The following ZC4H2 variants were observed in gnomAD, a reference collection of about 807,000 sequenced individuals.
ZC4H2 encodes zinc finger C4H2-type containing, also known as zinc finger C4H2 domain-containing protein.
For synonymous variants in ZC4H2, 84 were observed against 66.3 expected, an observed-to-expected ratio of 1.27 and a Z score of -1.30; for missense variants, 137 against 173.9, an observed-to-expected ratio of 0.79 and a Z score of 1.19.
intron 1 of ZC4H2, among the ~76,000 whole-genome samples, chrX:64,994,505 A>G (rs1396236375): frequency 8.9e-6 from 1 of 112,378 alleles, no homozygotes; most frequent in Non-Finnish European, 1.9e-5. Context: ...GCTTTACATT[A>G]TTCGTTTCAG....
chrX:64,962,584 T>G (rs758339478), intron 1 of ZC4H2, among the ~76,000 whole-genome samples: 1 of 111,319 alleles, frequency 9.0e-6, no homozygotes, highest in African/African-American at 3.2e-5. Flanking sequence ...GTCACCAAAA[T>G]TGAGAAGGAA....
intron 1 of ZC4H2, among the ~76,000 whole-genome samples, chrX:65,022,031 A>G (rs1932840464): frequency 8.9e-6 from 1 of 111,903 alleles, no homozygotes; most frequent in Non-Finnish European, 1.9e-5. Flanking sequence ...GAGGCAGGAA[A>G]TAATAGCCTA....
chrX:65,011,632 T>C (rs1932755802), intron 1 of ZC4H2, among the ~76,000 whole-genome samples: 1 of 111,171 alleles, frequency 9.0e-6, no homozygotes, highest in African/African-American at 3.3e-5. Context: ...AGTGAACGAG[T>C]TCCCTGGTGA....
At chrX:64,952,317 G>A (rs1478348347) in intron 1 of ZC4H2, among the ~76,000 whole-genome samples, 1 of 108,808 alleles carries the variant, frequency 9.2e-6, no homozygotes, top group Non-Finnish European at 1.9e-5. Context: ...CTTTCAAGTA[G>A]TTTCTTCCAA....
chrX:64,928,957 C>T (rs1345709069), intron 1 of ZC4H2, among the ~76,000 whole-genome samples: 3 of 103,379 alleles, frequency 2.9e-5, no homozygotes, highest in African/African-American at 7.2e-5. Context: ...GACATGATCT[C>T]GGCTCACTGC....
chrX:64,942,016 G>A (rs1470979796), intron 1 of ZC4H2, among the ~76,000 whole-genome samples: 1 of 110,983 alleles, frequency 9.0e-6, no homozygotes, highest in Non-Finnish European at 1.9e-5. Context: ...GAATCCGCCT[G>A]GCCCTGGACT....
intron 1 of ZC4H2, among the ~76,000 whole-genome samples, chrX:64,989,534 C>G (rs1178173401): frequency 1.1e-4 from 12 of 111,719 alleles, no homozygotes; most frequent in Admixed American, 1.0e-3. Context: ...AAAGGAAAAG[C>G]TGATAAAATG....
intron 1 of ZC4H2, among the ~76,000 whole-genome samples, chrX:65,020,166 A>G (rs1932826330): frequency 1.8e-5 from 2 of 112,013 alleles, no homozygotes; most frequent in Non-Finnish European, 3.8e-5. Flanking sequence ...GCCAACATTC[A>G]AATTCGGAAA....
chrX:65,018,122 A>G (rs1054810240), intron 1 of ZC4H2, among the ~76,000 whole-genome samples: 1 of 112,637 alleles, frequency 8.9e-6, no homozygotes, highest in Non-Finnish European at 1.9e-5. Context: ...ACTTAAATCA[A>G]CAAGCAAAAA....
chrX:65,013,186 T>C (rs1210053851), intron 1 of ZC4H2, among the ~76,000 whole-genome samples: 1 of 111,968 alleles, frequency 8.9e-6, no homozygotes, highest in Non-Finnish European at 1.9e-5. Context: ...TGTGGTCTAA[T>C]CCAAGTCAGT....
chrX:64,939,863 T>C (rs1816360471), intron 1 of ZC4H2, among the ~76,000 whole-genome samples: 1 of 111,583 alleles, frequency 9.0e-6, no homozygotes, highest in African/African-American at 3.3e-5. Context: ...ATTCAGGACA[T>C]AGTAATGGGC....
chrX:64,941,621 G>C (rs1039263417), intron 1 of ZC4H2, among the ~76,000 whole-genome samples: 1 of 111,828 alleles, frequency 8.9e-6, no homozygotes, highest in Non-Finnish European at 1.9e-5. Context: ...GAATTTTATC[G>C]AATGTCTTTT....
chrX:64,926,973 GT>G (rs1398778666), intron 1 of ZC4H2, among the ~76,000 whole-genome samples: 3 of 111,324 alleles, frequency 2.7e-5, no homozygotes, highest in African/African-American at 9.8e-5. Flanking sequence ...TCACTGTTGA[GT>G]TTTAATATTT....
chrX:65,008,741 T>C (rs1932710064), intron 1 of ZC4H2, among the ~76,000 whole-genome samples: 1 of 111,927 alleles, frequency 8.9e-6, no homozygotes, highest in African/African-American at 3.3e-5. Context: ...ATTTTCTCAC[T>C]AATATGTGGG....
Position 64,976,446 on chromosome X carries a change from A to T in ZC4H2, c.-69T>A. 9.1e-7 allele frequency: 1 copy of T among 1,102,022 alleles called. No homozygotes were observed. Among genetic ancestry groups the T allele is most frequent in the Non-Finnish European group, 1.3e-6 (1 of 796,617 alleles). The allele number at this position is 1,102,022 out of a possible 1,213,427, so 90.8% of individuals were successfully genotyped here. A position where few individuals can be genotyped will look rare whatever the true frequency, so the allele number is the denominator to read the frequency against. On this transcript the variant is annotated 5_prime_UTR_variant, in exon 1 of 5. Transcript: ENST00000374839. ...ACCAGCCAAGGGATACAATAGACAC[A>T]ATGTAGCCACCTCCTCCGGGCTTGG...
chrX:64,966,730 G>A (rs1441090001), intron 1 of ZC4H2, among the ~76,000 whole-genome samples: 1 of 112,019 alleles, frequency 8.9e-6, no homozygotes, highest in Admixed American at 9.5e-5. Flanking sequence ...CTATTTATAT[G>A]CAGCATCAAG....
intron 1 of ZC4H2, among the ~76,000 whole-genome samples, chrX:64,966,203 C>A (rs1045533751): frequency 1.8e-5 from 2 of 111,697 alleles, no homozygotes; most frequent in African/African-American, 6.5e-5. Context: ...AAGAGATACT[C>A]AACAAGATTG....
Position 64,974,154 on chromosome X carries a change from C to T in ZC4H2, c.53+2171G>A, listed in dbSNP as rs1321057422. ...ATTTCTATTGTTTTATATTTGTAAG[C>T]TATTTTTTCCCTCTCTCTTCTCCAC... On this transcript the variant is annotated intron_variant, in intron 1 of 4. Coordinates refer to ENST00000374839, the MANE Select transcript of ZC4H2 (RefSeq NM_018684.4). Among the ~76,000 whole-genome samples the T allele has an allele frequency of 2.7e-5, 3 of 112,127 alleles. No homozygotes were observed. In the Middle Eastern group the frequency reaches 0.014, roughly 519 times the overall value.
At chrX:64,945,292 T>C (rs929325766) in intron 1 of ZC4H2, among the ~76,000 whole-genome samples, 2 of 112,585 alleles carry the variant, frequency 1.8e-5, no homozygotes, top group African/African-American at 3.2e-5. Context: ...TCGATGTTGA[T>C]GTTATTGCTT....
Sources: gnomAD v4.1 joint callset for allele counts (sites outside exome capture counted in the v4.1 genomes callset) on GRCh38, gnomAD v4.1.1 for gene constraint, MANE v1.5 for transcripts, NCBI Gene and HGNC (gene_info 2026-07-23, HGNC 2026-07-21) for gene names.